RPS6KA5: variants seen among roughly 807,000 people sequenced by gnomAD.
RPS6KA5 encodes ribosomal protein S6 kinase A5, also known as ribosomal protein S6 kinase alpha-5.
RPS6KA5 carries 27 observed loss-of-function variants against 85.5 expected under a neutral mutation model. The observed-to-expected ratio is 0.32, with a 90% CI of 0.23 to 0.44. The LOEUF (loss-of-function observed/expected upper bound fraction) is 0.44. RPS6KA5 is among the 20% of genes least tolerant of loss of function. RPS6KA5 has a pLI of 1.00. For missense variants in RPS6KA5, 811 were observed against 980.9 expected (o/e 0.83, Z 2.31); for synonymous variants, 334 against 348.2 (o/e 0.96, Z 0.46).
At chr14:90,923,467 T>A (rs189150911) in intron 5 of RPS6KA5, among the ~76,000 whole-genome samples, 1 of 152,176 alleles carries the variant, frequency 6.6e-6, no homozygotes, top group Admixed American at 6.5e-5. Flanking sequence ...CATCCATCCA[T>A]CCTTTCCATG....
Position 91,060,487 on chromosome 14 carries a change from A to C in RPS6KA5, c.-53T>G. The C allele has an allele frequency of 7.6e-7, 1 of 1,307,900 alleles. No individual in the cohort carries two copies. The highest frequency in any genetic ancestry group is 1.5e-5 in the African/African-American group (1 of 65,300). The allele number at this position is 1,307,900 out of a possible 1,614,324, so 81.0% of individuals were successfully genotyped here. A position where few individuals can be genotyped will look rare whatever the true frequency, so the allele number is the denominator to read the frequency against. On this transcript the variant is annotated 5_prime_UTR_variant, in exon 1 of 17. Transcript: ENST00000614987. ...TCGCTACGAGGGGAACCCAGGAGACAGCGGACGCCCGTCCCCTCGCAGCCG... is the reference window on the plus strand; with the variant it reads ...TCGCTACGAGGGGAACCCAGGAGACCGCGGACGCCCGTCCCCTCGCAGCCG...
chr14:91,022,465 T>C (rs1245542768), intron 1 of RPS6KA5, among the ~76,000 whole-genome samples: 1 of 152,162 alleles, frequency 6.6e-6, no homozygotes, highest in African/African-American at 2.4e-5. Context: ...TCTGTGTCTT[T>C]CCAATAAATA....
At chr14:91,024,736 A>G (rs965659912) in intron 1 of RPS6KA5, among the ~76,000 whole-genome samples, 2 of 152,124 alleles carry the variant, frequency 1.3e-5, no homozygotes, top group African/African-American at 4.8e-5. Flanking sequence ...CCTTTTCCTT[A>G]GCCACAGGTG....
At chr14:90,950,104 C>T (rs1361252826) in intron 3 of RPS6KA5, among the ~76,000 whole-genome samples, 1 of 152,138 alleles carries the variant, frequency 6.6e-6, no homozygotes, top group Non-Finnish European at 1.5e-5. Flanking sequence ...GGTCTTCTTT[C>T]ATTCTTTCAG....
intron 1 of RPS6KA5, among the ~76,000 whole-genome samples, chr14:91,004,728 G>C (rs1387167129): frequency 6.6e-6 from 1 of 152,016 alleles, no homozygotes; most frequent in African/African-American, 2.4e-5. Context: ...AACACTTTGG[G>C]AGGCCGAGGC....
At position 91,044,863 on chromosome 14, in the gene RPS6KA5, G is replaced by A. The variant is rs548834230; in HGVS notation, c.103+15469C>T. Among the ~76,000 whole-genome samples the A allele has an allele frequency of 2.8e-3, 404 of 144,286 alleles. 19 individuals carry two copies. In the South Asian group the frequency reaches 0.087, roughly 31 times the overall value. 94.7% of individuals were successfully genotyped at this position (144,286 alleles called of 152,430 possible). On this transcript the variant is annotated intron_variant, in intron 1 of 16. Transcript: ENST00000614987. The stretch of plus-strand genomic sequence containing the variant: ...TCCAGCCTGGGCAACAGAGCGAGAC[G>A]TGTCAAAAAAAAAAAAAAGAAAAAA...
At chr14:91,042,561 A>G (rs942588289) in intron 1 of RPS6KA5, among the ~76,000 whole-genome samples, 1 of 152,132 alleles carries the variant, frequency 6.6e-6, no homozygotes, top group African/African-American at 2.4e-5. Context: ...AAAAACAATG[A>G]TGCTATTTTT....
chr14:90,957,782 G>A (rs1328825541), intron 3 of RPS6KA5, among the ~76,000 whole-genome samples: 1 of 151,800 alleles, frequency 6.6e-6, no homozygotes, highest in African/African-American at 2.4e-5. Context: ...GGAGCTACTG[G>A]CTTCCTCTTA....
chr14:91,059,156 G>GCCCCCCCC (rs369103491), intron 1 of RPS6KA5, among the ~76,000 whole-genome samples: 3 of 132,150 alleles, frequency 2.3e-5, no homozygotes, highest in African/African-American at 8.4e-5. Context: ...GGAGAGGACC[G>GCCCCCCCC]CCCCCCCCAC....
intron 7 of RPS6KA5, among the ~76,000 whole-genome samples, chr14:90,910,894 C>G (rs1198087472): frequency 6.6e-6 from 1 of 151,978 alleles, no homozygotes; most frequent in Non-Finnish European, 1.5e-5. Context: ...ACCGTGTTAG[C>G]CAGGATCGTC....
chr14:90,956,027 A>G (rs2038488687), intron 3 of RPS6KA5, among the ~76,000 whole-genome samples: 1 of 152,126 alleles, frequency 6.6e-6, no homozygotes, highest in East Asian at 1.9e-4. Flanking sequence ...CAAAGAAAAA[A>G]CCGTTTAACA....
chr14:90,951,263 CA>C, intron 3 of RPS6KA5, among the ~76,000 whole-genome samples: 1 of 152,158 alleles, frequency 6.6e-6, no homozygotes, highest in South Asian at 2.1e-4. Context: ...GCGGGCGGGT[CA>C]CCAGGTCAGG....
chr14:91,029,724 C>T (rs1291402544), intron 1 of RPS6KA5, among the ~76,000 whole-genome samples: 1 of 152,056 alleles, frequency 6.6e-6, no homozygotes, highest in Admixed American at 6.5e-5. Context: ...AAGTAAATGC[C>T]TGACACAAAC....
At chr14:91,014,509 AAAAAAAC>A (rs1302051165) in intron 1 of RPS6KA5, among the ~76,000 whole-genome samples, 9 of 151,718 alleles carry the variant, frequency 5.9e-5, no homozygotes, top group African/African-American at 1.5e-4. Flanking sequence ...CTCAAAAAAA[AAAAAAAC>A]AAAAAACAAA....
intron 5 of RPS6KA5, among the ~76,000 whole-genome samples, chr14:90,940,640 A>C (rs1595277338): frequency 6.6e-6 from 1 of 152,298 alleles, no homozygotes; most frequent in East Asian, 1.9e-4. Context: ...TGATTCTTTT[A>C]ATGAGTGTAC....
In RPS6KA5 at chr14:90,932,339, T is replaced by C. The variant is rs372189016; in HGVS notation, c.619-9143A>G. ...GAGGTCTCACTGTTGCCCAACACTG[T>C]TCCCCAGGCTGTTGAGTCTCAAACT... On this transcript the variant is annotated intron_variant, in intron 5 of 16. Transcript: ENST00000614987. 2.4e-4 allele frequency among the ~76,000 whole-genome samples: 36 copies of C among 152,224 alleles called. No individual in the cohort carries two copies. The South Asian group carries it at 7.3e-3, about 31-fold the overall frequency.
chr14:91,031,826 T>G (rs574276788), intron 1 of RPS6KA5, among the ~76,000 whole-genome samples: 2 of 152,152 alleles, frequency 1.3e-5, no homozygotes, highest in Admixed American at 6.5e-5. Context: ...CTTCATTAAG[T>G]AGACAGGCAG....
At chr14:91,032,030 C>A (rs748166209) in intron 1 of RPS6KA5, among the ~76,000 whole-genome samples, 7 of 152,024 alleles carry the variant, frequency 4.6e-5, no homozygotes, top group Non-Finnish European at 1.0e-4. Context: ...TCTTTGCGGG[C>A]GACATTATAG....
At chr14:90,900,759 TAAAGAA>T (rs763157783) in intron 9 of RPS6KA5, 23 bp from the exon 10 acceptor site, 52 of 1,586,446 alleles carry the variant, frequency 3.3e-5, no homozygotes, top group East Asian at 4.5e-5. Context: ...CAAAGAAAGA[TAAAGAA>T]AAACAACTTG....
Sources: allele counts gnomAD v4.1 joint callset (sites outside exome capture counted in the v4.1 genomes callset), GRCh38; gene constraint gnomAD v4.1.1; transcripts MANE v1.5; gene names NCBI Gene and HGNC (gene_info 2026-07-23, HGNC 2026-07-21).